Variants in UMAD1 observed in about 807,000 individuals in gnomAD.
UMAD1 encodes the protein UBAP1-MVB12-associated (UMA)-domain containing protein 1.
In UMAD1, 8 loss-of-function variants were observed where a neutral mutation model predicts 6.1. The ratio of observed to expected loss-of-function variants is 1.30; its 90% CI spans 0.76 to 2.35. The LOEUF is 2.35. Ranked by LOEUF, UMAD1 falls within the 30% of genes most tolerant of loss-of-function variation. The pLI, the probability that UMAD1 is intolerant of heterozygous loss-of-function variation, is 0.00. For missense variants in UMAD1, 130 were observed against 78.4 expected (o/e 1.66, Z -2.49); for synonymous variants, 56 against 31.4 (o/e 1.78, Z -2.61).
At chr7:7,742,365 G>A (rs528225983) in intron 2 of UMAD1, 13 of 597,144 alleles carry the variant, frequency 2.2e-5, no homozygotes, top group African/African-American at 1.7e-4. Context: ...GCGCTCTTCC[G>A]AGGATATCTG....
chr7:7,722,493 A>G (rs1296102412), intron 2 of UMAD1, among the ~76,000 whole-genome samples: 81 of 152,160 alleles, frequency 5.3e-4, no homozygotes, highest in Non-Finnish European at 2.9e-5. Context: ...CAAGGGGTTT[A>G]GTGACTCTGT....
chr7:7,864,404 G>A, intron 3 of UMAD1, among the ~76,000 whole-genome samples: 1 of 152,018 alleles, frequency 6.6e-6, no homozygotes, highest in East Asian at 1.9e-4. Context: ...GCATATCCCA[G>A]CAGCTCAGGG....
chr7:7,873,186 C>G (rs1784361197), intron 3 of UMAD1, among the ~76,000 whole-genome samples: 2 of 152,146 alleles, frequency 1.3e-5, no homozygotes, highest in African/African-American at 4.8e-5. Flanking sequence ...ATATTTTGCC[C>G]AAGGCCATTT....
intron 1 of UMAD1, among the ~76,000 whole-genome samples, chr7:7,672,600 T>A (rs1210268729): frequency 2.0e-5 from 3 of 152,168 alleles, no homozygotes; most frequent in African/African-American, 7.2e-5. Context: ...GTTCTCGTGA[T>A]AGTGAGTGAG....
At chr7:7,862,616 G>A (rs1366726074) in intron 3 of UMAD1, among the ~76,000 whole-genome samples, 1 of 152,140 alleles carries the variant, frequency 6.6e-6, no homozygotes, top group African/African-American at 2.4e-5. Flanking sequence ...TTGCAGCCTT[G>A]GTTGTGGTTA....
intron 2 of UMAD1, among the ~76,000 whole-genome samples, chr7:7,775,354 A>G (rs2115246549): frequency 6.6e-6 from 1 of 152,316 alleles, no homozygotes; most frequent in East Asian, 1.9e-4. Flanking sequence ...TAATTGAATC[A>G]TGGGGGCAGT....
At chr7:7,653,858 G>T (rs28992774) in intron 1 of UMAD1, among the ~76,000 whole-genome samples, 9,701 of 152,254 alleles carry the variant, frequency 0.064, 409 homozygotes, top group Middle Eastern at 0.13. Context: ...CACTTAGTGG[G>T]TTAAAGCCAG....
At chr7:7,808,161 C>A (rs6463727) in intron 3 of UMAD1, among the ~76,000 whole-genome samples, 139,020 of 151,720 alleles carry the variant, frequency 0.92, 63,815 homozygotes, top group African/African-American at 0.97. Context: ...TACAATTCAA[C>A]CTAATTATCC....
chr7:7,787,234 G>A (rs1161534760), intron 2 of UMAD1, among the ~76,000 whole-genome samples: 1 of 152,016 alleles, frequency 6.6e-6, no homozygotes, highest in African/African-American at 2.4e-5. Flanking sequence ...TAGAAATACA[G>A]GTTTAAAGTA....
chr7:7,693,653 T>G (rs1780234297), intron 2 of UMAD1, among the ~76,000 whole-genome samples: 1 of 152,164 alleles, frequency 6.6e-6, no homozygotes, highest in Admixed American at 6.5e-5. Flanking sequence ...TCTATAACTT[T>G]TAGTGGATTG....
chr7:7,749,069 A>T (rs1264239064), intron 2 of UMAD1, among the ~76,000 whole-genome samples: 2 of 152,130 alleles, frequency 1.3e-5, no homozygotes, highest in African/African-American at 4.8e-5. Flanking sequence ...TCCCTTGATA[A>T]TGTTTTTAAA....
intron 2 of UMAD1, among the ~76,000 whole-genome samples, chr7:7,732,394 ATAAT>A (rs1445928622): frequency 1.3e-5 from 2 of 152,180 alleles, no homozygotes; most frequent in African/African-American, 4.8e-5. Flanking sequence ...CCTGGGATAA[ATAAT>A]AAAGTTTCTA....
At chr7:7,685,171 G>T (rs1256473304) in intron 2 of UMAD1, among the ~76,000 whole-genome samples, 1 of 152,106 alleles carries the variant, frequency 6.6e-6, no homozygotes, top group Non-Finnish European at 1.5e-5. Context: ...TGGAAGACCT[G>T]AATGTCTTTC....
intron 3 of UMAD1, among the ~76,000 whole-genome samples, chr7:7,825,331 T>G (rs910928955): frequency 1.3e-5 from 2 of 152,164 alleles, no homozygotes; most frequent in African/African-American, 4.8e-5. Flanking sequence ...TACAGAAACT[T>G]TAAATCCATC....
chr7:7,867,214 A>G (rs1033390170), intron 3 of UMAD1, among the ~76,000 whole-genome samples: 1 of 152,208 alleles, frequency 6.6e-6, no homozygotes, highest in Non-Finnish European at 1.5e-5. Flanking sequence ...GAATATGCAA[A>G]AGGAAATGTA....
At chr7:7,707,814 C>A (rs2115164883) in intron 2 of UMAD1, among the ~76,000 whole-genome samples, 1 of 152,274 alleles carries the variant, frequency 6.6e-6, no homozygotes, top group East Asian at 1.9e-4. Flanking sequence ...AAGATGCTTT[C>A]TAAGGAAACT....
chr7:7,874,449 G>A (rs1301754700), intron 3 of UMAD1, among the ~76,000 whole-genome samples: 1 of 152,128 alleles, frequency 6.6e-6, no homozygotes, highest in Non-Finnish European at 1.5e-5. Flanking sequence ...CAATTTAGAT[G>A]AATCTCATCC....
chr7:7,661,073 T>C (rs1785463442), intron 1 of UMAD1, among the ~76,000 whole-genome samples: 1 of 152,162 alleles, frequency 6.6e-6, no homozygotes, highest in African/African-American at 2.4e-5. Context: ...TGATCTTTAA[T>C]CTCTGATATC....
rs775770880 is a variant in UMAD1, at chr7:7,877,708, A to T, written c.*170A>T. ...ATTTTTAAGAAAAAGGTACATTTGT[A>T]TACAAATTGAACTTAAGTTCTACTT... is the stretch of plus-strand genomic sequence containing the variant. On this transcript the variant is annotated 3_prime_UTR_variant, in exon 4 of 4. Transcript: ENST00000682710. 67 of 573,012 alleles carry T rather than the reference A, an allele frequency of 1.2e-4. No homozygotes were observed. Among genetic ancestry groups the T allele is most frequent in the Admixed American group, 8.2e-4 (26 of 31,692 alleles). The allele number at this position is 573,012 out of a possible 1,614,324, so 35.5% of individuals were successfully genotyped here. A position where few individuals can be genotyped will look rare whatever the true frequency, so the allele number is the denominator to read the frequency against.
Sources: allele counts gnomAD v4.1 joint callset (sites outside exome capture counted in the v4.1 genomes callset), GRCh38; gene constraint gnomAD v4.1.1; transcripts MANE v1.5; gene names NCBI Gene and HGNC (gene_info 2026-07-23, HGNC 2026-07-21).